The following IL34 variants were observed in gnomAD, a reference collection of about 807,000 sequenced individuals.
IL34 encodes the protein interleukin-34.
A neutral mutation model predicts 25.3 loss-of-function variants in IL34; 17 were observed. That is an observed-to-expected ratio of 0.67 (90% CI 0.46 to 1.01). The LOEUF is 1.01. Ranked by LOEUF, IL34 falls within the 50% of genes least tolerant of loss-of-function variation. The probability of loss-of-function intolerance (pLI) is 0.00; values close to 1 mark genes in which losing one functional copy is unlikely to be tolerated. For missense variants in IL34, 368 were observed against 312.9 expected (o/e 1.18, Z -1.33); for synonymous variants, 174 against 140.9 (o/e 1.23, Z -1.66).
At chr16:70,642,559 G>T (rs910167581), upstream of IL34, among the ~76,000 whole-genome samples, 3 of 152,096 alleles carry the variant, frequency 2.0e-5, no homozygotes, top group African/African-American at 4.8e-5. Flanking sequence ...GGCTCCCAAA[G>T]TGCTGGGATT....
At chr16:70,647,961 G>A (rs575277353) in intron 1 of IL34, among the ~76,000 whole-genome samples, 2 of 152,194 alleles carry the variant, frequency 1.3e-5, no homozygotes, top group Non-Finnish European at 2.9e-5. Context: ...GTAGACCTGG[G>A]GTCATGAGGC....
intron 1 of IL34, among the ~76,000 whole-genome samples, chr16:70,597,198 C>T (rs1047344732): frequency 6.6e-6 from 1 of 151,624 alleles, no homozygotes; most frequent in East Asian, 1.9e-4. Context: ...AAGTTACCCC[C>T]TCACAGAGTT....
chr16:70,656,214 G>T (rs1186908728), intron 2 of IL34, among the ~76,000 whole-genome samples: 1 of 152,160 alleles, frequency 6.6e-6, no homozygotes, highest in Non-Finnish European at 1.5e-5. Context: ...TCAAAGGTCT[G>T]GGCCCTGAGT....
At chr16:70,621,934 C>T (rs952864379) in intron 1 of IL34, among the ~76,000 whole-genome samples, 35 of 151,922 alleles carry the variant, frequency 2.3e-4, no homozygotes, top group Middle Eastern at 3.4e-3. Context: ...GGTGGAATGT[C>T]ATCAGTTAAG....
chr16:70,648,049 G>A (rs987868902), intron 1 of IL34, among the ~76,000 whole-genome samples: 1 of 152,142 alleles, frequency 6.6e-6, no homozygotes, highest in Admixed American at 6.5e-5. Context: ...AGCTGGTTTG[G>A]ACCCGGCTGG....
At chr16:70,619,779 C>T (rs2051241840) in intron 1 of IL34, among the ~76,000 whole-genome samples, 1 of 152,044 alleles carries the variant, frequency 6.6e-6, no homozygotes, top group Non-Finnish European at 1.5e-5. Flanking sequence ...GAGCCTTGGG[C>T]CAGAGTTCCA....
chr16:70,624,543 G>A (rs552171677), intron 1 of IL34, among the ~76,000 whole-genome samples: 25 of 152,232 alleles, frequency 1.6e-4, no homozygotes, highest in Non-Finnish European at 2.4e-4. Context: ...GCTGTAAAGC[G>A]TCTCAAGGTT....
chr16:70,646,289 G>A (rs1179477727), upstream of IL34, among the ~76,000 whole-genome samples: 2 of 152,132 alleles, frequency 1.3e-5, no homozygotes, highest in African/African-American at 2.4e-5. Flanking sequence ...CATGGCTCTC[G>A]ATGTGTGAAC....
intron 1 of IL34, among the ~76,000 whole-genome samples, chr16:70,585,960 A>G (rs989756398): frequency 6.6e-6 from 1 of 151,558 alleles, no homozygotes; most frequent in Non-Finnish European, 1.5e-5. Context: ...CAGCCTCCCA[A>G]GTAGCTGGGA....
intron 1 of IL34, among the ~76,000 whole-genome samples, chr16:70,597,610 A>G (rs2050842748): frequency 6.6e-6 from 1 of 152,266 alleles, no homozygotes; most frequent in African/African-American, 2.4e-5. Flanking sequence ...GTCAATGAAC[A>G]TGTTTCAAAC....
rs755155065 is a variant in IL34, at chr16:70,599,269, C to CTT, written c.-401+19222_-401+19223dup. The stretch of plus-strand genomic sequence containing the variant: ...ATACCTGTTATGTCAAGAACTGTTT[C>CTT]TTTCTTTCTTTCTTTCTTTCTTTCT... On this transcript the variant is annotated intron_variant, in intron 1 of 6. Coordinates refer to the IL34 transcript ENST00000429149. Among the ~76,000 whole-genome samples, 17 of 110,398 alleles carry CTT rather than the reference C, an allele frequency of 1.5e-4. No homozygotes were observed. In the South Asian group the frequency reaches 3.1e-3, roughly 20 times the overall value. The allele number at this position is 110,398 out of a possible 152,430, so 72.4% of individuals were successfully genotyped here.
At chr16:70,636,760 C>G (rs544431991) in intron 1 of IL34, among the ~76,000 whole-genome samples, 2 of 149,212 alleles carry the variant, frequency 1.3e-5, no homozygotes, top group Non-Finnish European at 3.0e-5. Flanking sequence ...AGAGAGAAAC[C>G]CTGTCTCAAA....
At chr16:70,659,924 G>A in intron 5 of IL34, 73 bp from the exon 6 acceptor site, 1 of 1,494,474 alleles carries the variant, frequency 6.7e-7, no homozygotes, top group Non-Finnish European at 9.0e-7. Context: ...ACAAGCACAT[G>A]CGGCTTGGCT....
rs1374928208 is a variant in IL34 at position 70,646,754 on chromosome 16, C to T, written c.-194C>T. The T allele has an allele frequency of 2.8e-5, 15 of 526,392 alleles. No homozygotes were observed. The highest frequency in any genetic ancestry group is 7.0e-5 in the East Asian group (2 of 28,514). 32.6% of individuals were successfully genotyped at this position (526,392 alleles called of 1,614,324 possible). A position where few individuals can be genotyped will look rare whatever the true frequency, so the allele number is the denominator to read the frequency against. ...GCCCCCCGGCTGTCCTCCACGCTGC[C>T]GGGCAGATAAGGGCAGCTGCTGCCC... On this transcript the variant is annotated 5_prime_UTR_variant, in exon 1 of 6. Transcript: ENST00000288098.
At chr16:70,656,445 G>A (rs965782098) in intron 2 of IL34, among the ~76,000 whole-genome samples, 157 bp from the exon 3 acceptor site, 2 of 152,166 alleles carry the variant, frequency 1.3e-5, no homozygotes, top group African/African-American at 4.8e-5. Flanking sequence ...CTTGAGCCTG[G>A]GAGGTCAAGG....
In IL34 at chr16:70,646,770, GCTGCTGCCCTTGGGGCAC is replaced by G. The variant is rs376027935; in HGVS notation, c.-172_-155del. The G allele has an allele frequency of 3.0e-4, 166 of 560,880 alleles. No individual in the cohort carries two copies. Among genetic ancestry groups the G allele is most frequent in the African/African-American group, 2.5e-3 (127 of 50,078 alleles). 34.7% of individuals were successfully genotyped at this position (560,880 alleles called of 1,614,324 possible). A position where few individuals can be genotyped will look rare whatever the true frequency, so the allele number is the denominator to read the frequency against. On this transcript the variant is annotated 5_prime_UTR_variant, in exon 1 of 6. Coordinates refer to ENST00000288098, the MANE Select transcript of IL34 (RefSeq NM_001393494.1). ...CCACGCTGCCGGGCAGATAAGGGCA[GCTGCTGCCCTTGGGGCAC>G]CTGCTCACTCCCGCAGCCCAGCCAC...
intron 1 of IL34, among the ~76,000 whole-genome samples, chr16:70,597,004 G>A (rs2050833010): frequency 6.6e-6 from 1 of 152,052 alleles, no homozygotes; most frequent in Non-Finnish European, 1.5e-5. Context: ...CTCAGTAGAG[G>A]CCGTCCCCAG....
chr16:70,638,743 T>C (rs889980489), intron 1 of IL34, among the ~76,000 whole-genome samples: 1 of 152,092 alleles, frequency 6.6e-6, no homozygotes, highest in Non-Finnish European at 1.5e-5. Flanking sequence ...CACATCTAGC[T>C]AATTAAAAAA....
At chr16:70,650,776 C>CAG (rs1333102629) in intron 1 of IL34, among the ~76,000 whole-genome samples, 2 of 152,170 alleles carry the variant, frequency 1.3e-5, no homozygotes, top group Non-Finnish European at 2.9e-5. Flanking sequence ...ACTGGTTGAG[C>CAG]AGAGACTCTG....
Sources: allele counts gnomAD v4.1 joint callset (sites outside exome capture counted in the v4.1 genomes callset), GRCh38; gene constraint gnomAD v4.1.1; transcripts MANE v1.5; gene names NCBI Gene and HGNC (gene_info 2026-07-23, HGNC 2026-07-21).